The following SLC14A2 variants were observed in gnomAD, a reference collection of about 807,000 sequenced individuals.
The protein encoded by SLC14A2 is solute carrier family 14 member 2.
In SLC14A2, 91 loss-of-function variants were observed where a neutral mutation model predicts 104.6. The ratio of observed to expected loss-of-function variants is 0.87; its 90% CI spans 0.73 to 1.04. The LOEUF (loss-of-function observed/expected upper bound fraction) is 1.04. Ranked by LOEUF, SLC14A2 falls within the 50% of genes least tolerant of loss-of-function variation. SLC14A2 has a pLI of 0.00. For missense variants in SLC14A2, 1,189 were observed against 1,156.0 expected, an observed-to-expected ratio of 1.03 and a Z score of -0.41; for synonymous variants, 476 against 466.4, an observed-to-expected ratio of 1.02 and a Z score of -0.27.
chr18:45,583,393 C>T (rs1442126281), intron 2 of SLC14A2, among the ~76,000 whole-genome samples: 1 of 152,216 alleles, frequency 6.6e-6, no homozygotes, highest in East Asian at 1.9e-4. Context: ...GTCCTATTCA[C>T]TGGGTTTCAT....
intron 1 of SLC14A2, among the ~76,000 whole-genome samples, chr18:45,235,583 C>T (rs1487530372): frequency 6.6e-6 from 1 of 151,852 alleles, no homozygotes; most frequent in Non-Finnish European, 1.5e-5. Context: ...TCCTCTCTAC[C>T]TTTCTTAGCC....
At chr18:45,335,781 C>A (rs1345932856) in intron 1 of SLC14A2, among the ~76,000 whole-genome samples, 1 of 152,208 alleles carries the variant, frequency 6.6e-6, no homozygotes, top group Non-Finnish European at 1.5e-5. Context: ...GGTTTTACTG[C>A]ATTTTACTTG....
intron 10 of SLC14A2, among the ~76,000 whole-genome samples, chr18:45,650,896 T>C (rs1195866761): frequency 2.3e-4 from 16 of 69,860 alleles, no homozygotes; most frequent in African/African-American, 8.9e-4. Flanking sequence ...CCCACCACCA[T>C]GCCCAGCTTT....
intron 1 of SLC14A2, among the ~76,000 whole-genome samples, chr18:45,236,719 A>G (rs556693745): frequency 6.6e-6 from 1 of 152,014 alleles, no homozygotes; most frequent in Non-Finnish European, 1.5e-5. Context: ...GTGCTACAAT[A>G]AACATAAGAG....
chr18:45,366,606 G>C (rs1373465741), intron 1 of SLC14A2, among the ~76,000 whole-genome samples: 1 of 152,080 alleles, frequency 6.6e-6, no homozygotes, highest in African/African-American at 2.4e-5. Context: ...AGAAGCTGCT[G>C]GCTAGCTGCT....
intron 1 of SLC14A2, among the ~76,000 whole-genome samples, chr18:45,365,513 CA>C (rs1263236989): frequency 6.6e-6 from 1 of 152,176 alleles, no homozygotes; most frequent in African/African-American, 2.4e-5. Flanking sequence ...TGCAGGATGC[CA>C]AACACAAAGA....
At chr18:45,317,151 C>G (rs539925244) in intron 1 of SLC14A2, among the ~76,000 whole-genome samples, 34 of 152,332 alleles carry the variant, frequency 2.2e-4, no homozygotes, top group African/African-American at 8.2e-4. Flanking sequence ...TAGATTATAA[C>G]TTACCTTGCT....
chr18:45,596,422 G>A (rs1482618265), intron 2 of SLC14A2, among the ~76,000 whole-genome samples: 1 of 152,212 alleles, frequency 6.6e-6, no homozygotes, highest in Non-Finnish European at 1.5e-5. Flanking sequence ...ACAATTAAAA[G>A]GGAAGGAAGA....
chr18:45,429,111 G>A (rs1439438094), intron 1 of SLC14A2, among the ~76,000 whole-genome samples: 3 of 152,160 alleles, frequency 2.0e-5, no homozygotes, highest in Admixed American at 6.5e-5. Context: ...AAGTTATAGT[G>A]GAGGATGGAA....
intron 1 of SLC14A2, among the ~76,000 whole-genome samples, chr18:45,265,044 T>C (rs1470652076): frequency 6.6e-6 from 1 of 152,134 alleles, no homozygotes; most frequent in African/African-American, 2.4e-5. Context: ...ATTAACCCAG[T>C]GAGTGGGCCA....
rs554221790 is a variant in SLC14A2, at chr18:45,297,256, CTG to C, written c.-125+84068_-125+84069del. 8.5e-5 allele frequency among the ~76,000 whole-genome samples: 13 copies of C among 152,280 alleles called. No homozygotes were observed. In the South Asian group the frequency reaches 2.5e-3, roughly 29 times the overall value. On this transcript the variant is annotated intron_variant, in intron 1 of 20. Transcript: ENST00000586448. ...GCAACTATTGAAAGACAGTTTAAAA[CTG>C]TGGTTTCTCTTGATATGTTGTCTAA...
chr18:45,236,897 G>C (rs796705474), intron 1 of SLC14A2, among the ~76,000 whole-genome samples: 124 of 152,178 alleles, frequency 8.1e-4, no homozygotes, highest in African/African-American at 2.9e-3. Context: ...ACCAATGTCT[G>C]TTGGTGGGAA....
intron 1 of SLC14A2, among the ~76,000 whole-genome samples, chr18:45,341,905 T>C (rs2085400112): frequency 6.6e-6 from 1 of 152,200 alleles, no homozygotes; most frequent in East Asian, 1.9e-4. Flanking sequence ...CTAGTATTTC[T>C]AAGCACAAGA....
intron 1 of SLC14A2, among the ~76,000 whole-genome samples, chr18:45,372,840 G>A (rs567769116): frequency 6.6e-5 from 10 of 152,150 alleles, no homozygotes; most frequent in Admixed American, 2.0e-4. Context: ...CAAGAATATC[G>A]TGTATTAAAT....
intron 1 of SLC14A2, among the ~76,000 whole-genome samples, chr18:45,341,044 C>G (rs563860536): frequency 1.2e-4 from 19 of 152,280 alleles, no homozygotes; most frequent in African/African-American, 4.1e-4. Context: ...CATCTCAGAT[C>G]AAGGCCCCAA....
Position 45,654,245 on chromosome 18 carries a change from G to T in SLC14A2, c.1352-9540G>T, listed in dbSNP as rs1422294108. On this transcript the variant is annotated intron_variant, in intron 10 of 19. Transcript: ENST00000255226. ...ACGTGCGCCAGGCAACAGGTTCAGG[G>T]AACGCAAGCTAGTGAATTTATAGCA... 2.0e-5 allele frequency among the ~76,000 whole-genome samples: 3 copies of T among 152,170 alleles called. No homozygotes were observed. In the East Asian group the frequency reaches 5.8e-4, roughly 29 times the overall value.
intron 2 of SLC14A2, among the ~76,000 whole-genome samples, chr18:45,525,986 CA>C: frequency 1.3e-5 from 2 of 151,926 alleles, no homozygotes; most frequent in South Asian, 4.2e-4. Context: ...TATTTGTAAG[CA>C]AAAAGGCAAG....
At chr18:45,437,907 G>A (rs1239684253) in intron 1 of SLC14A2, among the ~76,000 whole-genome samples, 1 of 152,114 alleles carries the variant, frequency 6.6e-6, no homozygotes, top group Non-Finnish European at 1.5e-5. Context: ...TAATGTATGC[G>A]ATACCCTGCT....
At chr18:45,177,953 T>A in the SLC14A2 span, among the ~76,000 whole-genome samples, 1 of 152,174 alleles carries the variant, frequency 6.6e-6, no homozygotes, top group Non-Finnish European at 1.5e-5. Context: ...GATGAAGTTA[T>A]AGAAGATGGA....
Sources: gnomAD v4.1 joint callset for allele counts (sites outside exome capture counted in the v4.1 genomes callset) on GRCh38, gnomAD v4.1.1 for gene constraint, MANE v1.5 for transcripts, NCBI Gene and HGNC (gene_info 2026-07-23, HGNC 2026-07-21) for gene names.